The following SLC6A3 variants were observed in gnomAD, a reference collection of about 807,000 sequenced individuals.
The protein encoded by SLC6A3 is solute carrier family 6 member 3.
Under a neutral mutation model 70.4 loss-of-function variants are expected in SLC6A3, and 19 were observed. The observed-to-expected ratio is 0.27, with a 90% CI of 0.19 to 0.40. The LOEUF is 0.40. Among genes scored for constraint, SLC6A3 ranks in the 10% least tolerant of loss-of-function variants. The pLI is 1.00. For missense variants in SLC6A3, 613 were observed against 838.5 expected (o/e 0.73, Z 3.32); for synonymous variants, 368 against 356.6 (o/e 1.03, Z -0.36).
Position 1,403,075 on chromosome 5 carries a change from G to C in SLC6A3, c.1614C>G (p.Val538=), listed in dbSNP as rs534789943. Residue 538 remains valine (V), a synonymous_variant, in exon 13 of 15, where the codon GTC becomes GTG. Coordinates refer to ENST00000270349, the MANE Select transcript of SLC6A3 (RefSeq NM_001044.5). ...SPCFLLFVVV[V]SIVTFRPPHY... The stretch of plus-strand genomic sequence containing the variant: ...GGGGGGGTCTGAAGGTCACAATGCT[G>C]ACCACGACCACGAACTGCAACCAGC... 6.2e-7 allele frequency: 1 copy of C among 1,613,618 alleles called. No individual in the cohort carries two copies. Among genetic ancestry groups the C allele is most frequent in the East Asian group, 2.2e-5 (1 of 44,868 alleles).
chr5:1,418,451 A>G (rs1215181056), intron 6 of SLC6A3, among the ~76,000 whole-genome samples: 1 of 152,122 alleles, frequency 6.6e-6, no homozygotes, highest in African/African-American at 2.4e-5. Flanking sequence ...TCCATCACCA[A>G]TCTATCATCT....
At chr5:1,416,733 C>A (rs956665200) in intron 6 of SLC6A3, among the ~76,000 whole-genome samples, 1 of 150,904 alleles carries the variant, frequency 6.6e-6, no homozygotes, top group Non-Finnish European at 1.5e-5. Context: ...CGGAACAGCA[C>A]GGACTCATCC....
intron 9 of SLC6A3, among the ~76,000 whole-genome samples, chr5:1,410,052 G>A (rs1579705931): frequency 6.6e-6 from 1 of 152,252 alleles, no homozygotes; most frequent in African/African-American, 2.4e-5. Context: ...GCAGGAGAGA[G>A]GACCCAGAGG....
At chr5:1,445,054 C>A (rs963371851) in intron 1 of SLC6A3, among the ~76,000 whole-genome samples, 1 of 152,222 alleles carries the variant, frequency 6.6e-6, no homozygotes, top group Admixed American at 6.5e-5. Context: ...GCCATAGACA[C>A]CCACGCGTCC....
rs905610545 is a variant in SLC6A3, at chr5:1,442,498, C to A, written c.286+414G>T. On this transcript the variant is annotated intron_variant, in intron 2 of 14. Transcript: ENST00000270349. This position sits in a 1 kb window ranked among gnomAD's most constrained non-coding sequence, Gnocchi z 5.0. ...AGGGGACACAGTCACTTTCCAGGGG[C>A]CTCCTCTGCCACTCCAGGCTCCAGG... Among the ~76,000 whole-genome samples the A allele has an allele frequency of 3.3e-5, 5 of 152,196 alleles. No individual in the cohort carries two copies. Among genetic ancestry groups the A allele is most frequent in the Admixed American group, 1.3e-4 (2 of 15,280 alleles).
chr5:1,430,797 C>CTCACCTCCTGCCTGGCTGTTCCTA (rs3834250), intron 4 of SLC6A3, among the ~76,000 whole-genome samples: 21 of 151,942 alleles, frequency 1.4e-4, no homozygotes, highest in Non-Finnish European at 1.5e-4. Flanking sequence ...GGCTTCTCTG[C>CTCACCTCCTGCCTGGCTGTTCCTA]TCACCGTGAC....
rs1258783486 is a variant in SLC6A3, at chr5:1,396,692, C to T, written c.1840-1934G>A. Among the ~76,000 whole-genome samples, 2 of 152,158 alleles carry T rather than the reference C, an allele frequency of 1.3e-5. No homozygotes were observed. The highest frequency in any genetic ancestry group is 2.4e-5 in the African/African-American group (1 of 41,420). ...ATCCGCCGACAGGACCAGAGGGAAC[C>T]ACCTCTGATGCCCACACAGGGCTGG... On this transcript the variant is annotated intron_variant, in intron 14 of 14. Coordinates refer to ENST00000270349, the MANE Select transcript of SLC6A3 (RefSeq NM_001044.5). This position sits in a 1 kb window ranked among gnomAD's most constrained non-coding sequence, Gnocchi z 7.0.
At chr5:1,414,501 G>A (rs1756224202) in intron 8 of SLC6A3, among the ~76,000 whole-genome samples, 190 bp downstream of exon 8, 1 of 149,106 alleles carries the variant, frequency 6.7e-6, no homozygotes, top group Non-Finnish European at 1.5e-5. Context: ...TCAGGGCGGG[G>A]AAGGCGCTGG....
At chr5:1,429,994 G>A (rs1323294327) in intron 4 of SLC6A3, among the ~76,000 whole-genome samples, 3 of 152,136 alleles carry the variant, frequency 2.0e-5, no homozygotes, top group South Asian at 2.1e-4. Context: ...ATCATTTCCC[G>A]CTTGCCTGTC....
chr5:1,394,699 C>A lies in SLC6A3; in HGVS notation c.*36G>T, dbSNP rs28363166. ...TGGTTTGTTCGTGTCTCTCCCATTG[C>A]AGGATGACTTCCTGGGGTCTTCGTC... On this transcript the variant is annotated 3_prime_UTR_variant, in exon 15 of 15. Transcript: ENST00000270349. This position sits in a 1 kb window ranked among gnomAD's most constrained non-coding sequence, Gnocchi z 4.7. 9 of 1,608,468 alleles carry A rather than the reference C, an allele frequency of 5.6e-6. No homozygotes were observed. The East Asian group carries it at 1.6e-4, about 28-fold the overall frequency.
rs763446513 is a variant in SLC6A3 at position 1,410,806 on chromosome 5, ATG to A, written c.1269+435_1269+436del. Among the ~76,000 whole-genome samples, 4 of 151,834 alleles carry A rather than the reference ATG, an allele frequency of 2.6e-5. No homozygotes were observed. The South Asian group carries it at 8.4e-4, about 32-fold the overall frequency. ...TACACGTGCATGCATGTCTGTGTGTATGTGTGTGTGCATGCGTGTGTGCATGT... is the reference window on the plus strand; with the variant it reads ...TACACGTGCATGCATGTCTGTGTGTATGTGTGTGCATGCGTGTGTGCATGT... On this transcript the variant is annotated intron_variant, in intron 9 of 14. Transcript: ENST00000270349.
At position 1,419,907 on chromosome 5, in the gene SLC6A3, C is replaced by T. The variant is rs113291873; in HGVS notation, c.927+662G>A. Among the ~76,000 whole-genome samples the T allele has an allele frequency of 4.2e-3, 634 of 152,192 alleles. 3 individuals are homozygous for T. Among genetic ancestry groups the T allele is most frequent in the African/African-American group, 0.014 (570 of 41,520 alleles). ...TTCCTGGGAGGCTTGCAGCCATGCCCGCCCATCCCTTCTCCCCTTCCTTCC... is the reference window on the plus strand; with the variant it reads ...TTCCTGGGAGGCTTGCAGCCATGCCTGCCCATCCCTTCTCCCCTTCCTTCC... On this transcript the variant is annotated intron_variant, in intron 6 of 14. Coordinates refer to ENST00000270349, the MANE Select transcript of SLC6A3 (RefSeq NM_001044.5).
chr5:1,442,103 C>T lies in SLC6A3; in HGVS notation c.287-613G>A, dbSNP rs1303672758. Among the ~76,000 whole-genome samples, 1 of 152,160 alleles carries T rather than the reference C, an allele frequency of 6.6e-6. No individual in the cohort carries two copies. Among genetic ancestry groups the T allele is most frequent in the African/African-American group, 2.4e-5 (1 of 41,456 alleles). Reference sequence around the variant, plus strand: ...CTCAACCTCCTAAATTCCCTCTGCTCCCCTGGTCTGACTGGAGTGAGGGAG... The same window carrying T: ...CTCAACCTCCTAAATTCCCTCTGCTTCCCTGGTCTGACTGGAGTGAGGGAG... On this transcript the variant is annotated intron_variant, in intron 2 of 14. Transcript: ENST00000270349. The surrounding 1 kb of genome is among the most constrained non-coding windows in gnomAD (Gnocchi z 5.0).
chr5:1,410,964 ATG>A (rs1374777782), intron 9 of SLC6A3, among the ~76,000 whole-genome samples: 1 of 151,776 alleles, frequency 6.6e-6, no homozygotes, highest in Admixed American at 6.6e-5. Flanking sequence ...GTGTGTGTGC[ATG>A]TGTGTGCACA....
chr5:1,401,885 G>T lies in SLC6A3; in HGVS notation c.1768-899C>A, dbSNP rs942531418. On this transcript the variant is annotated intron_variant, in intron 13 of 14. Transcript: ENST00000270349. This position sits in a 1 kb window ranked among gnomAD's most constrained non-coding sequence, Gnocchi z 6.1. Reference sequence around the variant, plus strand: ...GGTCAGCCCGTGGGGGTCTGAGAGGGACTGTCCACAGCAGGGTGCCATCAG... The same window carrying T: ...GGTCAGCCCGTGGGGGTCTGAGAGGTACTGTCCACAGCAGGGTGCCATCAG... 1.3e-5 allele frequency among the ~76,000 whole-genome samples: 2 copies of T among 152,220 alleles called. No individual in the cohort carries two copies. Among genetic ancestry groups the T allele is most frequent in the Admixed American group, 6.5e-5 (1 of 15,292 alleles).
At chr5:1,434,085 C>T (rs562950354) in intron 3 of SLC6A3, among the ~76,000 whole-genome samples, 2 of 152,380 alleles carry the variant, frequency 1.3e-5, no homozygotes, top group South Asian at 2.1e-4. Context: ...CTGCTCATGC[C>T]TCTCCTGCAA....
rs1755675498 is a variant in SLC6A3, at chr5:1,394,799, G to GC, written c.1840-42dup. 6.2e-7 allele frequency: 1 copy of GC among 1,612,846 alleles called. No homozygotes were observed. The highest frequency in any genetic ancestry group is 1.1e-5 in the South Asian group (1 of 91,068). On this transcript the variant is annotated intron_variant, in intron 14 of 14. Transcript: ENST00000270349. This position sits in a 1 kb window ranked among gnomAD's most constrained non-coding sequence, Gnocchi z 4.7. Reference sequence around the variant, plus strand: ...GTTTAGTCAGAAACCCTGGGGCGATGCCCCATTTAAGAGCAGCTGAAGGTG... The same window carrying GC: ...GTTTAGTCAGAAACCCTGGGGCGATGCCCCCATTTAAGAGCAGCTGAAGGTG...
intron 2 of SLC6A3, 57 bp from the exon 3 acceptor site, chr5:1,441,547 G>T (rs1009804069): frequency 1.3e-6 from 2 of 1,592,538 alleles, no homozygotes; most frequent in Middle Eastern, 1.7e-4. Flanking sequence ...ATCTCTCCTC[G>T]TGGGAGCTTG....
At chr5:1,399,972 C>T (rs1755806815) in intron 14 of SLC6A3, among the ~76,000 whole-genome samples, 1 of 152,184 alleles carries the variant, frequency 6.6e-6, no homozygotes, top group South Asian at 2.1e-4. Context: ...CAGGCATGAG[C>T]TCATGAGACC....
Sources: allele counts gnomAD v4.1 joint callset (sites outside exome capture counted in the v4.1 genomes callset), GRCh38; gene constraint gnomAD v4.1.1; non-coding constraint Gnocchi (gnomAD v3.1); transcripts MANE v1.5; gene names NCBI Gene and HGNC (gene_info 2026-07-23, HGNC 2026-07-21).